PTPRR: variants seen among roughly 807,000 people sequenced by gnomAD.
The protein encoded by PTPRR is receptor-type tyrosine-protein phosphatase R.
Under a neutral mutation model 77.2 loss-of-function variants are expected in PTPRR, and 38 were observed. The observed-to-expected ratio is 0.49, with a 90% CI of 0.38 to 0.65. PTPRR has a LOEUF of 0.65. Ranked by LOEUF, PTPRR falls within the 30% of genes least tolerant of loss-of-function variation. The pLI is 0.00. For synonymous variants in PTPRR, 299 were observed against 283.1 expected (o/e 1.06, Z -0.57); for missense variants, 744 against 799.2 (o/e 0.93, Z 0.83).
intron 13 of PTPRR, among the ~76,000 whole-genome samples, chr12:70,642,150 G>A (rs574250735): frequency 1.3e-5 from 2 of 152,058 alleles, no homozygotes; most frequent in African/African-American, 4.8e-5. Flanking sequence ...CAGGTGGTGA[G>A]GTCCCCCAGT....
intron 3 of PTPRR, among the ~76,000 whole-genome samples, chr12:70,763,239 C>G (rs1452720449): frequency 6.6e-6 from 1 of 152,048 alleles, no homozygotes; most frequent in African/African-American, 2.4e-5. Context: ...AGTGATTCTC[C>G]TGCCTCAGCC....
chr12:70,670,484 G>C (rs986035755), intron 10 of PTPRR, among the ~76,000 whole-genome samples: 1 of 152,182 alleles, frequency 6.6e-6, no homozygotes, highest in Non-Finnish European at 1.5e-5. Flanking sequence ...CTACTTTGTA[G>C]AGTTAGAGGA....
chr12:70,779,921 C>A lies in PTPRR; in HGVS notation c.358-15143G>T, dbSNP rs75510101. Among the ~76,000 whole-genome samples the A allele has an allele frequency of 2.1e-3, 327 of 152,214 alleles. 6 individuals are homozygous for A. The East Asian group carries it at 0.056, about 26-fold the overall frequency. ...TGTATTCTATTTAGAATTAACATGT[C>A]TCTGACACTTTGACTACTATAACAT... On this transcript the variant is annotated intron_variant, in intron 2 of 13. Coordinates refer to ENST00000283228, the MANE Select transcript of PTPRR (RefSeq NM_002849.4).
chr12:70,868,422 A>G (rs1394011880), intron 2 of PTPRR, among the ~76,000 whole-genome samples: 2 of 152,208 alleles, frequency 1.3e-5, no homozygotes, highest in African/African-American at 4.8e-5. Context: ...TGCAGCGAAA[A>G]GACACATGAA....
chr12:70,833,622 G>A (rs986308413), intron 2 of PTPRR, among the ~76,000 whole-genome samples: 1 of 152,164 alleles, frequency 6.6e-6, no homozygotes, highest in African/African-American at 2.4e-5. Context: ...GTTCCTCAGA[G>A]ACTTAAATCC....
In PTPRR at chr12:70,920,313, T is replaced by G; in HGVS notation, c.58+20A>C. On this transcript the variant is annotated intron_variant, in intron 1 of 13. Coordinates refer to ENST00000283228, the MANE Select transcript of PTPRR (RefSeq NM_002849.4). ...CCCATCTCATGCACAGCTCCGGCTC[T>G]AAGCCTGGCAACCCCTTACCTGCAG... 6.2e-7 allele frequency: 1 copy of G among 1,611,404 alleles called. No individual in the cohort carries two copies. Among genetic ancestry groups the G allele is most frequent in the Non-Finnish European group, 8.5e-7 (1 of 1,177,740 alleles).
At chr12:70,666,224 T>C (rs1459593788) in intron 10 of PTPRR, among the ~76,000 whole-genome samples, 1 of 152,128 alleles carries the variant, frequency 6.6e-6, no homozygotes, top group East Asian at 1.9e-4. Context: ...TCCAAGAAAA[T>C]ATCACTTTAT....
chr12:70,840,807 T>C (rs1892382960), intron 2 of PTPRR, among the ~76,000 whole-genome samples: 1 of 152,032 alleles, frequency 6.6e-6, no homozygotes, highest in Non-Finnish European at 1.5e-5. Context: ...TCTCACTGAA[T>C]TGCAAGGAGG....
At chr12:70,873,241 G>A (rs897598540) in intron 2 of PTPRR, among the ~76,000 whole-genome samples, 3 of 152,136 alleles carry the variant, frequency 2.0e-5, no homozygotes, top group African/African-American at 7.2e-5. Flanking sequence ...GGAGCAAAAT[G>A]ATCAGGCTGC....
intron 1 of PTPRR, among the ~76,000 whole-genome samples, chr12:70,901,180 T>C (rs1401583356): frequency 6.6e-6 from 1 of 151,576 alleles, no homozygotes; most frequent in Non-Finnish European, 1.5e-5. Context: ...ACAGTCATTA[T>C]GGGAAATGGT....
chr12:70,668,028 C>A (rs991014238), intron 10 of PTPRR, among the ~76,000 whole-genome samples: 4 of 151,952 alleles, frequency 2.6e-5, no homozygotes, highest in African/African-American at 9.7e-5. Flanking sequence ...TTTTTTAAAA[C>A]CTGATCAAAA....
chr12:70,677,539 G>A (rs1887493161), intron 10 of PTPRR, among the ~76,000 whole-genome samples: 1 of 152,156 alleles, frequency 6.6e-6, no homozygotes, highest in African/African-American at 2.4e-5. Context: ...GATGTTTGTT[G>A]TGGGCTTGTC....
intron 2 of PTPRR, among the ~76,000 whole-genome samples, chr12:70,801,928 G>T (rs1302484240): frequency 6.6e-6 from 1 of 152,130 alleles, no homozygotes; most frequent in East Asian, 1.9e-4. Flanking sequence ...CCTTACAGAA[G>T]GTTTTGGCTT....
At chr12:70,664,049 G>T (rs534609545) in intron 10 of PTPRR, among the ~76,000 whole-genome samples, 2 of 152,172 alleles carry the variant, frequency 1.3e-5, no homozygotes, top group Non-Finnish European at 2.9e-5. Flanking sequence ...AGCGAAGGAA[G>T]TCACTTCACC....
intron 2 of PTPRR, among the ~76,000 whole-genome samples, chr12:70,868,203 A>T (rs181137283): frequency 0.063 from 9,582 of 152,164 alleles, 388 homozygotes; most frequent in Middle Eastern, 0.1. Flanking sequence ...TAATTAAACT[A>T]AAGAGCTTCT....
At chr12:70,856,103 CTCAAT>C (rs1476394475) in intron 2 of PTPRR, among the ~76,000 whole-genome samples, 15 of 152,088 alleles carry the variant, frequency 9.9e-5, no homozygotes, top group Non-Finnish European at 1.9e-4. Context: ...ATCTTCAGGA[CTCAAT>C]TCACTCACTC....
At chr12:70,698,687 A>G (rs1225498704) in intron 7 of PTPRR, among the ~76,000 whole-genome samples, 2 of 152,230 alleles carry the variant, frequency 1.3e-5, no homozygotes, top group Admixed American at 6.5e-5. Context: ...TTAAAAAACA[A>G]TGTATTCAAA....
At chr12:70,754,420 AC>A (rs957365999) in intron 4 of PTPRR, 119 bp from the exon 5 acceptor site, 5 of 1,563,676 alleles carry the variant, frequency 3.2e-6, no homozygotes, top group Admixed American at 4.1e-5. Context: ...ACACACCTAC[AC>A]CCCCCGCTGC....
intron 1 of PTPRR, among the ~76,000 whole-genome samples, chr12:70,902,797 G>GCACCA (rs1389776139): frequency 5.9e-5 from 9 of 151,610 alleles, no homozygotes; most frequent in Non-Finnish European, 1.3e-4. Flanking sequence ...ATACTGGTTG[G>GCACCA]GTGATGGGTG....
Sources: allele counts gnomAD v4.1 joint callset (sites outside exome capture counted in the v4.1 genomes callset), GRCh38; gene constraint gnomAD v4.1.1; transcripts MANE v1.5; gene names NCBI Gene and HGNC (gene_info 2026-07-23, HGNC 2026-07-21).